Variants in GNA12 observed in about 807,000 individuals in gnomAD.
GNA12 encodes the protein guanine nucleotide-binding protein subunit alpha-12.
A neutral mutation model predicts 26.0 loss-of-function variants in GNA12; 9 were observed. That is an observed-to-expected ratio of 0.35 (90% CI 0.21 to 0.60). GNA12 has a LOEUF of 0.60. Among genes scored for constraint, GNA12 ranks in the 20% least tolerant of loss-of-function variants. The pLI, the probability that GNA12 is intolerant of heterozygous loss-of-function variation, is 0.78. For synonymous variants in GNA12, 264 were observed against 219.6 expected, an observed-to-expected ratio of 1.20 and a Z score of -1.79; for missense variants, 405 against 525.8, an observed-to-expected ratio of 0.77 and a Z score of 2.25.
intron 1 of GNA12, among the ~76,000 whole-genome samples, chr7:2,816,186 C>G (rs530084263): frequency 6.6e-6 from 1 of 151,952 alleles, no homozygotes; most frequent in South Asian, 2.1e-4. Context: ...AAGAAGTAAA[C>G]CAGATCTTCA....
In GNA12 at chr7:2,795,000, G is replaced by A. The variant is rs768347396; in HGVS notation, c.453C>T (p.Val151=). 10 of 1,614,068 alleles carry A rather than the reference G, an allele frequency of 6.2e-6. 1 individual carries two copies. The East Asian group carries it at 2.2e-4, about 36-fold the overall frequency. The change falls in exon 2 of 4, where the codon GTC becomes GTT. Residue 151 remains valine, a synonymous_variant. Coordinates refer to ENST00000275364, the MANE Select transcript of GNA12 (RefSeq NM_007353.3). ...CCCTCCAGAGTGCGCTCAGGGCCGGGACGTACAGCTGGAAGGTGGCCGGCT... is the reference window on the plus strand; with the variant it reads ...CCCTCCAGAGTGCGCTCAGGGCCGGAACGTACAGCTGGAAGGTGGCCGGCT... The part of the protein sequence containing the change: ...PVEPATFQLY[V]PALSALWRDS...
intron 1 of GNA12, among the ~76,000 whole-genome samples, chr7:2,801,927 T>C (rs2115467862): frequency 6.6e-6 from 1 of 152,298 alleles, no homozygotes; most frequent in African/African-American, 2.4e-5. Flanking sequence ...ACCGTACTTT[T>C]GCAGAACTGA....
chr7:2,824,183 G>GC (rs755997131), intron 1 of GNA12, among the ~76,000 whole-genome samples: 4 of 152,068 alleles, frequency 2.6e-5, no homozygotes, highest in Non-Finnish European at 5.9e-5. Flanking sequence ...GCCTCTCACT[G>GC]CCCCCACGTC....
In GNA12 at chr7:2,843,882, G is replaced by T; in HGVS notation, c.280C>A (p.Arg94Ser). ...AGGATGTTGTCGAAGATGGTGTCGC[G>T]GAACTCCAGCAGCGCCTTCTGGTCG... is the stretch of plus-strand genomic sequence containing the variant. Reference protein sequence around the residue: ...EFDQKALLEFRDTIFDNILKG... With the variant: ...EFDQKALLEFSDTIFDNILKG... Residue 94 changes from arginine (R) to serine (S), a missense_variant, in exon 1 of 4, where the codon CGC (arginine) becomes AGC (serine). Arg to Ser is a moderately radical substitution (Grantham distance 110, BLOSUM62 -1). Coordinates refer to ENST00000275364, the MANE Select transcript of GNA12 (RefSeq NM_007353.3). The T allele has an allele frequency of 6.4e-7, 1 of 1,563,684 alleles. No individual in the cohort carries two copies.
chr7:2,755,742 T>A (rs987111776), intron 2 of GNA12, among the ~76,000 whole-genome samples: 2 of 152,264 alleles, frequency 1.3e-5, no homozygotes, highest in Non-Finnish European at 2.9e-5. Context: ...CTTGCCTTAC[T>A]GCATTGGCTA....
intron 2 of GNA12, among the ~76,000 whole-genome samples, chr7:2,761,510 G>A (rs1053177731): frequency 6.6e-6 from 1 of 152,198 alleles, no homozygotes. Flanking sequence ...TGCAATTCAG[G>A]ATGACTAAAA....
chr7:2,781,811 T>C (rs1792237409), intron 2 of GNA12, among the ~76,000 whole-genome samples: 1 of 152,150 alleles, frequency 6.6e-6, no homozygotes, highest in Non-Finnish European at 1.5e-5. Context: ...CAATAACAAC[T>C]ACAACTTGAC....
At chr7:2,805,956 A>T (rs1792936287) in intron 1 of GNA12, among the ~76,000 whole-genome samples, 1 of 152,244 alleles carries the variant, frequency 6.6e-6, no homozygotes, top group South Asian at 2.1e-4. Flanking sequence ...TGGATCACAA[A>T]GAGTACAAAA....
At chr7:2,830,491 T>C (rs572290681) in intron 1 of GNA12, among the ~76,000 whole-genome samples, 38 of 152,092 alleles carry the variant, frequency 2.5e-4, no homozygotes, top group African/African-American at 1.9e-4. Context: ...ATGTCCCCTG[T>C]GGGGAGGGCG....
At chr7:2,765,540 T>A (rs544506178) in intron 2 of GNA12, among the ~76,000 whole-genome samples, 1 of 152,028 alleles carries the variant, frequency 6.6e-6, no homozygotes, top group East Asian at 1.9e-4. Flanking sequence ...CACTTCCTAA[T>A]CCTGTGACTC....
In GNA12 at chr7:2,823,132, A is replaced by G. The variant is rs1023990653; in HGVS notation, c.309+20721T>C. On this transcript the variant is annotated intron_variant, in intron 1 of 3. Transcript: ENST00000275364. Reference sequence around the variant, plus strand: ...TAACTAAAAACGTGGGGTCCGAGGCATCATCTATGGCAGGCTTTGTTGGAG... The same window carrying G: ...TAACTAAAAACGTGGGGTCCGAGGCGTCATCTATGGCAGGCTTTGTTGGAG... 1.2e-4 allele frequency among the ~76,000 whole-genome samples: 18 copies of G among 152,354 alleles called. No homozygotes were observed. The East Asian group carries it at 2.1e-3, about 18-fold the overall frequency.
intron 2 of GNA12, among the ~76,000 whole-genome samples, chr7:2,755,773 A>G (rs1459145530): frequency 6.6e-6 from 1 of 152,216 alleles, no homozygotes; most frequent in Non-Finnish European, 1.5e-5. Flanking sequence ...TTTTTTTTAA[A>G]TGTGAAAAAT....
intron 1 of GNA12, among the ~76,000 whole-genome samples, chr7:2,842,143 A>C (rs950043733): frequency 2.1e-5 from 2 of 94,312 alleles, no homozygotes; most frequent in Admixed American, 1.1e-4. Flanking sequence ...GAAGGAAAGA[A>C]AAGAAGGAAA....
intron 2 of GNA12, among the ~76,000 whole-genome samples, chr7:2,754,127 A>G (rs1007406678): frequency 2.0e-5 from 3 of 152,066 alleles, no homozygotes. Flanking sequence ...CCTCACCAGC[A>G]TTTGTTATTT....
At chr7:2,788,080 G>A (rs1792410514) in intron 2 of GNA12, among the ~76,000 whole-genome samples, 1 of 152,236 alleles carries the variant, frequency 6.6e-6, no homozygotes, top group East Asian at 1.9e-4. Context: ...CTTGAACCCA[G>A]GAGGCAGAGG....
intron 1 of GNA12, among the ~76,000 whole-genome samples, chr7:2,795,968 C>A (rs1035728806): frequency 4.6e-5 from 7 of 152,008 alleles, no homozygotes; most frequent in Admixed American, 1.3e-4. Context: ...TTACAGGTAC[C>A]TGCCACCAGG....
rs898236579 is a variant in GNA12, at chr7:2,814,701, T to C, written c.310-19558A>G. Among the ~76,000 whole-genome samples the C allele has an allele frequency of 2.0e-5, 3 of 150,028 alleles. No individual in the cohort carries two copies. In the Admixed American group the frequency reaches 2.0e-4, roughly 10 times the overall value. On this transcript the variant is annotated intron_variant, in intron 1 of 3. Coordinates refer to ENST00000275364, the MANE Select transcript of GNA12 (RefSeq NM_007353.3). ...AAGGAGCTCTAAAAGGCTGGACCAG[T>C]CACCGTCCAGATGTGAACTCCTTGC...
intron 2 of GNA12, among the ~76,000 whole-genome samples, chr7:2,760,167 C>T (rs188652973): frequency 6.6e-6 from 1 of 152,366 alleles, no homozygotes; most frequent in East Asian, 1.9e-4. Flanking sequence ...CTTCCCATCG[C>T]CCGCCTCTGC....
At chr7:2,822,671 G>T (rs1037581170) in intron 1 of GNA12, among the ~76,000 whole-genome samples, 1 of 152,190 alleles carries the variant, frequency 6.6e-6, no homozygotes, top group Non-Finnish European at 1.5e-5. Context: ...AATTAGCCAG[G>T]CGTGGTGGTG....
Sources: gnomAD v4.1 joint callset for allele counts (sites outside exome capture counted in the v4.1 genomes callset) on GRCh38, gnomAD v4.1.1 for gene constraint, MANE v1.5 for transcripts, NCBI Gene and HGNC (gene_info 2026-07-23, HGNC 2026-07-21) for gene names.